The following RASA3 variants were observed in gnomAD, a reference collection of about 807,000 sequenced individuals.
RASA3 encodes RAS p21 protein activator 3, also known as ras GTPase-activating protein 3.
A neutral mutation model predicts 110.0 loss-of-function variants in RASA3; 73 were observed. The ratio of observed to expected loss-of-function variants is 0.66; its 90% confidence interval spans 0.55 to 0.81. The LOEUF (loss-of-function observed/expected upper bound fraction) is 0.81, where lower values mean the gene tolerates loss of function less well. Ranked by LOEUF, RASA3 falls within the 30% of genes least tolerant of loss-of-function variation. The pLI is 0.00. For synonymous variants in RASA3, 500 were observed against 451.4 expected (o/e 1.11, Z -1.37); for missense variants, 976 against 1,113.2 (o/e 0.88, Z 1.75).
intron 10 of RASA3, 46 bp from the exon 11 acceptor site, chr13:114,018,298 C>T (rs1353186286): frequency 1.3e-6 from 2 of 1,528,100 alleles, no homozygotes; most frequent in Non-Finnish European, 1.8e-6. Context: ...GGTGCAGGAA[C>T]CCCAGAGGCC....
chr13:114,078,436 AAAAGT>A (rs1290944241), intron 1 of RASA3, among the ~76,000 whole-genome samples: 4 of 152,226 alleles, frequency 2.6e-5, no homozygotes, highest in Non-Finnish European at 4.4e-5. Flanking sequence ...GAATTAAAAG[AAAAGT>A]AAACTGGTTT....
At chr13:113,995,809 T>C (rs192016049) in intron 21 of RASA3, among the ~76,000 whole-genome samples, 1,408 of 4,956 alleles carry the variant, frequency 0.28, 401 homozygotes, top group African/African-American at 0.6. Context: ...CTGATGGGGG[T>C]CCGGCTGACG....
In RASA3 at chr13:114,027,941, C is replaced by A. The variant is rs763331410; in HGVS notation, c.450-14G>T. ...CACTCGACGATGCTGAGGAGAGAAG[C>A]AGAGGCGGCGTCAGGAGGGAGCGCA... On this transcript the variant is annotated splice_polypyrimidine_tract_variant and intron_variant, in intron 5 of 23. Transcript: ENST00000334062. 7.5e-6 allele frequency: 12 copies of A among 1,606,328 alleles called. No homozygotes were observed. The East Asian group carries it at 2.7e-4, about 36-fold the overall frequency.
chr13:114,106,610 A>G (rs1326937765), intron 1 of RASA3, among the ~76,000 whole-genome samples: 9 of 152,226 alleles, frequency 5.9e-5, no homozygotes, highest in Non-Finnish European at 1.5e-5. Context: ...ATTCACACCC[A>G]AGTCCCACTT....
intron 10 of RASA3, 24 bp from the exon 11 acceptor site, chr13:114,018,276 G>A (rs779578888): frequency 2.6e-6 from 4 of 1,543,898 alleles, no homozygotes; most frequent in African/African-American, 1.4e-5. Flanking sequence ...TGAGGTCAGT[G>A]CCAGGGCCCG....
intron 1 of RASA3, among the ~76,000 whole-genome samples, chr13:114,103,784 A>G (rs12870062): frequency 5.4e-3 from 1 of 184 alleles, no homozygotes; most frequent in African/African-American, 0.015. Flanking sequence ...ATGCTGCCAC[A>G]GCCACGGACA....
chr13:114,038,246 G>A (rs1172635547), intron 4 of RASA3, among the ~76,000 whole-genome samples: 2 of 152,364 alleles, frequency 1.3e-5, no homozygotes, highest in Admixed American at 6.5e-5. Flanking sequence ...GGAACTCGCC[G>A]ACACGCAGGC....
At position 113,993,738 on chromosome 13, in the gene RASA3, G is replaced by A. The variant is rs545689159; in HGVS notation, c.2142-1150C>T. Reference sequence around the variant, plus strand: ...CAGGAGAATCGCTTGAACCTGGAAGGTGGAGGTTGCAGTGAGCCGAAATCA... The same window carrying A: ...CAGGAGAATCGCTTGAACCTGGAAGATGGAGGTTGCAGTGAGCCGAAATCA... On this transcript the variant is annotated intron_variant, in intron 21 of 23. Transcript: ENST00000334062. 4.0e-5 allele frequency among the ~76,000 whole-genome samples: 6 copies of A among 149,654 alleles called. No individual in the cohort carries two copies. In the Middle Eastern group the frequency reaches 0.021, roughly 523 times the overall value.
chr13:114,073,703 G>C lies in RASA3; in HGVS notation c.173+17C>G. The C allele has an allele frequency of 6.3e-7, 1 of 1,584,684 alleles. No homozygotes were observed. Among genetic ancestry groups the C allele is most frequent in the East Asian group, 2.2e-5 (1 of 44,728 alleles). ...AGAAAACACATCAGTGCCAAGTAAA[G>C]CAACAGAAGACATTACCAGAGTGAC... On this transcript the variant is annotated intron_variant, in intron 2 of 23. Coordinates refer to ENST00000334062, the MANE Select transcript of RASA3 (RefSeq NM_007368.4).
chr13:113,992,675 G>A, intron 21 of RASA3, 87 bp from the exon 22 acceptor site: 1 of 1,019,438 alleles, frequency 9.8e-7, no homozygotes, highest in Admixed American at 2.0e-5. Flanking sequence ...AAATGTCACT[G>A]AAGAAAGACA....
At chr13:114,117,153 TGA>T (rs1453744159) in intron 1 of RASA3, among the ~76,000 whole-genome samples, 2 of 110,894 alleles carry the variant, frequency 1.8e-5, no homozygotes, top group Non-Finnish European at 3.6e-5. Flanking sequence ...AGCACGTGTG[TGA>T]GGGGTGCACG....
At chr13:114,066,764 G>A (rs2079458995) in intron 2 of RASA3, among the ~76,000 whole-genome samples, 2 of 152,364 alleles carry the variant, frequency 1.3e-5, no homozygotes, top group South Asian at 4.1e-4. Flanking sequence ...ACATGCAGGT[G>A]GAGATGGAGA....
chr13:114,066,433 G>A (rs2139640014), intron 2 of RASA3, among the ~76,000 whole-genome samples: 1 of 152,326 alleles, frequency 6.6e-6, no homozygotes, highest in African/African-American at 2.4e-5. Flanking sequence ...GGAGGCCCGG[G>A]CAGGAGGGAG....
chr13:113,996,725 G>A lies in RASA3; in HGVS notation c.1947C>T (p.Ile649=), dbSNP rs766452063. The A allele has an allele frequency of 2.5e-6, 4 of 1,613,646 alleles. No individual in the cohort carries two copies. The highest frequency in any genetic ancestry group is 3.4e-6 in the Non-Finnish European group (4 of 1,179,986). ...GGATGTACAGCGCACGCTCTGGCTG[G>A]ATGACCTGGAACATCTGAGGACACA... ...SFKMKNMFQV[I]QPERALYIQA... Residue 649 remains isoleucine (I), a synonymous_variant, in exon 21 of 24, where the codon ATC becomes ATT. Coordinates refer to ENST00000334062, the MANE Select transcript of RASA3 (RefSeq NM_007368.4).
intron 1 of RASA3, among the ~76,000 whole-genome samples, chr13:114,097,136 G>A (rs138197714): frequency 2.0e-5 from 3 of 152,286 alleles, no homozygotes; most frequent in Admixed American, 6.5e-5. Context: ...CTCCTGAACC[G>A]AGCAGTTCTC....
intron 1 of RASA3, among the ~76,000 whole-genome samples, chr13:114,128,024 C>T (rs755354065): frequency 1.3e-5 from 2 of 152,258 alleles, no homozygotes; most frequent in African/African-American, 2.4e-5. Flanking sequence ...CTGCCCCTGC[C>T]GGAGCCCCTG....
At chr13:114,040,130 T>C (rs1310466543) in intron 4 of RASA3, among the ~76,000 whole-genome samples, 3 of 152,246 alleles carry the variant, frequency 2.0e-5, no homozygotes, top group Non-Finnish European at 4.4e-5. Flanking sequence ...CAGTTGTGCA[T>C]GACAAAGGGC....
In RASA3 at chr13:113,996,621, G is replaced by GC; in HGVS notation, c.2050_2051insG (p.Thr684SerfsTer17). On this transcript the variant is annotated frameshift_variant, in exon 21 of 24. Coordinates refer to ENST00000334062, the MANE Select transcript of RASA3 (RefSeq NM_007368.4). LOFTEE classifies it high-confidence loss of function. ...CAGGTAGGCGGACGGGTGGTAGACG[G>GC]TGAGGCGCTTCTGGTTGCACTGGCT... 1 of 1,613,726 alleles carries GC rather than the reference G, an allele frequency of 6.2e-7. No individual in the cohort carries two copies. The highest frequency in any genetic ancestry group is 8.5e-7 in the Non-Finnish European group (1 of 1,180,032).
chr13:113,980,724 G>C (rs762644089), intron 23 of RASA3, among the ~76,000 whole-genome samples: 23 of 152,234 alleles, frequency 1.5e-4, no homozygotes, highest in Middle Eastern at 3.2e-3. Context: ...GGTGTTGCAG[G>C]CTCAGTCCCC....
Sources: gnomAD v4.1 joint callset for allele counts (sites outside exome capture counted in the v4.1 genomes callset) on GRCh38, gnomAD v4.1.1 for gene constraint, MANE v1.5 for transcripts, NCBI Gene and HGNC (gene_info 2026-07-23, HGNC 2026-07-21) for gene names.